SLC24A3: variants seen among roughly 807,000 people sequenced by gnomAD.
SLC24A3 encodes sodium/potassium/calcium exchanger 3.
Under a neutral mutation model 75.8 loss-of-function variants are expected in SLC24A3, and 28 were observed. The ratio of observed to expected loss-of-function variants is 0.37; its 90% CI spans 0.27 to 0.51. SLC24A3 has a LOEUF of 0.51. SLC24A3 is among the 20% of genes least tolerant of loss of function. The pLI is 0.94. For missense variants in SLC24A3, 663 were observed against 847.8 expected (o/e 0.78, Z 2.71); for synonymous variants, 372 against 334.1 (o/e 1.11, Z -1.24).
intron 2 of SLC24A3, among the ~76,000 whole-genome samples, chr20:19,412,934 T>C (rs1346157353): frequency 1.3e-5 from 2 of 152,118 alleles, no homozygotes; most frequent in Non-Finnish European, 2.9e-5. Context: ...GGGATAAATA[T>C]AAAAGATAGT....
intron 2 of SLC24A3, among the ~76,000 whole-genome samples, chr20:19,420,539 T>C (rs1214602097): frequency 6.8e-6 from 1 of 147,472 alleles, no homozygotes; most frequent in African/African-American, 2.6e-5. Context: ...TGTGAGATGA[T>C]ATTCCATGCT....
chr20:19,300,132 A>C (rs1165444190), intron 2 of SLC24A3, among the ~76,000 whole-genome samples: 1 of 152,210 alleles, frequency 6.6e-6, no homozygotes, highest in African/African-American at 2.4e-5. Context: ...CTTCTAAAAC[A>C]TGCTCACAAG....
At chr20:19,604,759 C>G (rs767226107) in intron 6 of SLC24A3, among the ~76,000 whole-genome samples, 2 of 152,198 alleles carry the variant, frequency 1.3e-5, no homozygotes, top group African/African-American at 2.4e-5. Flanking sequence ...ACTGCAGGCT[C>G]TGAGGAATTT....
chr20:19,403,040 A>C (rs929287144), intron 2 of SLC24A3, among the ~76,000 whole-genome samples: 3 of 152,176 alleles, frequency 2.0e-5, no homozygotes, highest in African/African-American at 2.4e-5. Context: ...CATATTAGAC[A>C]TCCCAGGCCT....
intron 6 of SLC24A3, among the ~76,000 whole-genome samples, chr20:19,630,435 T>G (rs760938155): frequency 1.2e-4 from 18 of 152,240 alleles, no homozygotes; most frequent in Non-Finnish European, 2.2e-4. Context: ...TCAGGTCATC[T>G]GCTACTTACA....
chr20:19,293,519 G>T (rs1983990750), intron 2 of SLC24A3, among the ~76,000 whole-genome samples: 1 of 151,940 alleles, frequency 6.6e-6, no homozygotes, highest in Admixed American at 6.6e-5. Context: ...AGTTGGGCGT[G>T]GTGGCAGGCA....
intron 1 of SLC24A3, among the ~76,000 whole-genome samples, chr20:19,253,672 C>T (rs1252710985): frequency 2.0e-5 from 3 of 152,188 alleles, no homozygotes; most frequent in South Asian, 4.1e-4. Flanking sequence ...TTCCCATAGG[C>T]TCTTCTAATG....
intron 2 of SLC24A3, among the ~76,000 whole-genome samples, chr20:19,362,521 A>G (rs1430055264): frequency 6.6e-6 from 1 of 152,268 alleles, no homozygotes; most frequent in Non-Finnish European, 1.5e-5. Flanking sequence ...GGCCATAGGT[A>G]CTTAATGAGA....
chr20:19,599,347 G>A (rs1159753235), intron 6 of SLC24A3, among the ~76,000 whole-genome samples: 2 of 152,128 alleles, frequency 1.3e-5, no homozygotes, highest in Admixed American at 1.3e-4. Context: ...TCCCTCCCGC[G>A]CACCTGGCGG....
intron 6 of SLC24A3, among the ~76,000 whole-genome samples, chr20:19,597,113 T>G (rs957021505): frequency 6.6e-6 from 1 of 152,252 alleles, no homozygotes; most frequent in Non-Finnish European, 1.5e-5. Context: ...CTAGGCACTG[T>G]GGCTCACACC....
intron 2 of SLC24A3, among the ~76,000 whole-genome samples, chr20:19,377,455 T>C (rs560982510): frequency 6.6e-6 from 1 of 152,250 alleles, no homozygotes; most frequent in Admixed American, 6.5e-5. Context: ...CAAGACCCAT[T>C]CTGCATGAAT....
chr20:19,215,880 C>T (rs1253908705), intron 1 of SLC24A3, among the ~76,000 whole-genome samples: 1 of 152,146 alleles, frequency 6.6e-6, no homozygotes, highest in Admixed American at 6.5e-5. Flanking sequence ...TACATTGATT[C>T]TTTTCTGCTG....
chr20:19,518,906 T>A (rs2030047796), intron 3 of SLC24A3, among the ~76,000 whole-genome samples: 1 of 152,180 alleles, frequency 6.6e-6, no homozygotes, highest in Admixed American at 6.5e-5. Context: ...CAGAAGGGAA[T>A]GTGGAGGACA....
chr20:19,387,556 T>G (rs549466902), intron 2 of SLC24A3, among the ~76,000 whole-genome samples: 1 of 152,350 alleles, frequency 6.6e-6, no homozygotes, highest in East Asian at 1.9e-4. Context: ...TTTTTAATTT[T>G]CTTTTTGATT....
chr20:19,606,929 C>T (rs1171146967), intron 6 of SLC24A3, among the ~76,000 whole-genome samples: 3 of 152,198 alleles, frequency 2.0e-5, no homozygotes, highest in Admixed American at 6.5e-5. Flanking sequence ...CCATGCCTCA[C>T]ACTTGGTACA....
intron 6 of SLC24A3, among the ~76,000 whole-genome samples, chr20:19,647,159 A>T (rs955903080): frequency 1.3e-5 from 2 of 152,044 alleles, no homozygotes; most frequent in East Asian, 3.9e-4. Context: ...CTCCTCTCAG[A>T]GGCATGTTCC....
At chr20:19,557,797 C>A (rs1385462638) in intron 3 of SLC24A3, among the ~76,000 whole-genome samples, 1 of 152,156 alleles carries the variant, frequency 6.6e-6, no homozygotes, top group Non-Finnish European at 1.5e-5. Flanking sequence ...ATTGTTTGAG[C>A]CACCAAGCTG....
At position 19,721,920 on chromosome 20, in the gene SLC24A3, G is replaced by A. The variant is rs1464465743; in HGVS notation, c.*780G>A. ...GGTTGGGGGGGCACAAGGTTTTGGA[G>A]GAAGAAGACAACTTCCCTCATTCCA... On this transcript the variant is annotated 3_prime_UTR_variant, in exon 17 of 17. Transcript: ENST00000328041. 6.5e-6 allele frequency: 1 copy of A among 152,686 alleles called. No homozygotes were observed. Among genetic ancestry groups the A allele is most frequent in the Admixed American group, 6.5e-5 (1 of 15,282 alleles). 9.5% of individuals were successfully genotyped at this position (152,686 alleles called of 1,614,324 possible). A position where few individuals can be genotyped will look rare whatever the true frequency, so the allele number is the denominator to read the frequency against.
intron 2 of SLC24A3, among the ~76,000 whole-genome samples, chr20:19,396,700 C>G (rs983923346): frequency 1.3e-5 from 2 of 152,184 alleles, no homozygotes; most frequent in African/African-American, 2.4e-5. Context: ...GATCAAATTA[C>G]TTCTCTGGCA....
Sources: allele counts gnomAD v4.1 joint callset (sites outside exome capture counted in the v4.1 genomes callset), GRCh38; gene constraint gnomAD v4.1.1; transcripts MANE v1.5; gene names NCBI Gene and HGNC (gene_info 2026-07-23, HGNC 2026-07-21).